C2orf15: variants seen among roughly 807,000 people sequenced by gnomAD.
C2orf15 encodes the protein uncharacterized protein C2orf15.
C2orf15 carries 3 observed loss-of-function variants against 4.4 expected under a neutral mutation model. The observed-to-expected ratio is 0.67, with a 90% CI of 0.31 to 1.74. C2orf15 has a LOEUF of 1.74. Ranked by LOEUF, C2orf15 falls within the 40% of genes most tolerant of loss-of-function variation. The pLI is 0.09. For missense variants in C2orf15, 90 were observed against 103.3 expected (o/e 0.87, Z 0.56); for synonymous variants, 37 against 36.8 (o/e 1.00, Z -0.02).
intron 2 of C2orf15, among the ~76,000 whole-genome samples, chr2:99,144,291 G>A (rs1252900121): frequency 6.6e-6 from 1 of 152,072 alleles, no homozygotes; most frequent in Non-Finnish European, 1.5e-5. Context: ...AAAGTGCTGG[G>A]ATTACAGGCA....
At chr2:99,144,523 G>A (rs2093611995) in intron 2 of C2orf15, among the ~76,000 whole-genome samples, 1 of 151,772 alleles carries the variant, frequency 6.6e-6, no homozygotes, top group Non-Finnish European at 1.5e-5. Context: ...GGTGGCTCAT[G>A]CCTGTAATCC....
chr2:99,147,505 A>C lies in C2orf15; in HGVS notation c.-77+12A>C, dbSNP rs749522940. 19 of 1,613,230 alleles carry C rather than the reference A, an allele frequency of 1.2e-5. 1 individual carries two copies. Among genetic ancestry groups the C allele is most frequent in the Middle Eastern group, 3.3e-4 (2 of 6,074 alleles). ...CTGGGGAAGTTAAGGTAAGACTCAC[A>C]GGGCCAAGTCTACCCTATTATACTT... On this transcript the variant is annotated intron_variant, in intron 3 of 3. Transcript: ENST00000650052.
At position 99,150,639 on chromosome 2, in the gene C2orf15, A is replaced by G. The variant is rs753167451; in HGVS notation, c.81A>G (p.Arg27=). 6 of 1,614,110 alleles carry G rather than the reference A, an allele frequency of 3.7e-6. No homozygotes were observed. The highest frequency in any genetic ancestry group is 5.1e-6 in the Non-Finnish European group (6 of 1,179,988). Residue 27 remains arginine (R), a synonymous_variant, in exon 4 of 4, where the codon CGA becomes CGG. Transcript: ENST00000650052. ...MDSKVDDHLI[R]GTEKSRLEPA... ...CAAAAGTGGATGATCACTTAATACG[A>G]GGGACTGAAAAAAGCAGGTTGGAAC...
Position 99,150,956 on chromosome 2 carries a change from G to C in C2orf15, c.*122G>C, listed in dbSNP as rs10201856. 0.013 allele frequency: 8,421 copies of C among 643,434 alleles called. 307 individuals carry two copies. The highest frequency in any genetic ancestry group is 0.08 in the African/African-American group (4,327 of 54,358). The allele number at this position is 643,434 out of a possible 1,614,324, so 39.9% of individuals were successfully genotyped here. A position where few individuals can be genotyped will look rare whatever the true frequency, so the allele number is the denominator to read the frequency against. On this transcript the variant is annotated 3_prime_UTR_variant, in exon 4 of 4. Coordinates refer to ENST00000650052, the MANE Select transcript of C2orf15 (RefSeq NM_144706.4). ...TGATGGAAGACTATTGCCTTATTTTGCACTATTTGTGAATCATCTTACACT... is the reference window on the plus strand; with the variant it reads ...TGATGGAAGACTATTGCCTTATTTTCCACTATTTGTGAATCATCTTACACT...
intron 3 of C2orf15, among the ~76,000 whole-genome samples, chr2:99,149,763 A>G (rs1402477826): frequency 7.2e-6 from 1 of 139,730 alleles, no homozygotes; most frequent in East Asian, 2.1e-4. Flanking sequence ...TTTACAGACT[A>G]GACATCCTTA....
intron 3 of C2orf15, among the ~76,000 whole-genome samples, chr2:99,149,277 G>A (rs2093664428): frequency 6.6e-6 from 1 of 151,526 alleles, no homozygotes; most frequent in South Asian, 2.1e-4. Context: ...TCTCCAGTAA[G>A]CCCTGGGCTT....
chr2:99,150,064 T>A (rs2093677371), intron 3 of C2orf15, among the ~76,000 whole-genome samples: 1 of 152,218 alleles, frequency 6.6e-6, no homozygotes. Context: ...AGTGCTGGGA[T>A]TACAGGCGTG....
Position 99,147,475 on chromosome 2 carries a change from C to T in C2orf15, c.-95C>T. The stretch of plus-strand genomic sequence containing the variant: ...TAGACTTGTTCACCCTTCATGTCCT[C>T]AACTCTGGGGAAGTTAAGGTAAGAC... On this transcript the variant is annotated 5_prime_UTR_variant, in exon 3 of 4. Coordinates refer to ENST00000650052, the MANE Select transcript of C2orf15 (RefSeq NM_144706.4). The T allele has an allele frequency of 6.2e-7, 1 of 1,614,004 alleles. No individual in the cohort carries two copies. Among genetic ancestry groups the T allele is most frequent in the Non-Finnish European group, 8.5e-7 (1 of 1,179,898 alleles).
At chr2:99,143,590 C>T (rs1332159145) in intron 2 of C2orf15, among the ~76,000 whole-genome samples, 6 of 152,062 alleles carry the variant, frequency 3.9e-5, no homozygotes, top group African/African-American at 1.4e-4. Context: ...CCTGCCTTAG[C>T]CCCTTGAGTA....
At position 99,150,847 on chromosome 2, in the gene C2orf15, G is replaced by A. The variant is rs376071599; in HGVS notation, c.*13G>A. The A allele has an allele frequency of 3.8e-5, 58 of 1,544,716 alleles. No individual in the cohort carries two copies. The highest frequency in any genetic ancestry group is 4.8e-5 in the Non-Finnish European group (55 of 1,145,368). ...AGATGTGGAATGAAGCAATTTGTAC[G>A]TATTACCAAAGAAACCAAAAACTGC... is the stretch of plus-strand genomic sequence containing the variant. On this transcript the variant is annotated 3_prime_UTR_variant, in exon 4 of 4. Transcript: ENST00000650052.
At position 99,150,973 on chromosome 2, in the gene C2orf15, TC is replaced by T. The variant is rs1268225889; in HGVS notation, c.*140del. On this transcript the variant is annotated 3_prime_UTR_variant, in exon 4 of 4. Transcript: ENST00000650052. ...CTTATTTTGCACTATTTGTGAATCA[TC>T]TTACACTGCATTTTTTTATGATGCT... The T allele has an allele frequency of 1.8e-6, 1 of 550,564 alleles. No homozygotes were observed. The highest frequency in any genetic ancestry group is 3.0e-5 in the East Asian group (1 of 33,438). The allele number at this position is 550,564 out of a possible 1,614,324, so 34.1% of individuals were successfully genotyped here. A position where few individuals can be genotyped will look rare whatever the true frequency, so the allele number is the denominator to read the frequency against.
chr2:99,149,373 C>A (rs1223306076), intron 3 of C2orf15, among the ~76,000 whole-genome samples: 1 of 151,880 alleles, frequency 6.6e-6, no homozygotes, highest in African/African-American at 2.4e-5. Flanking sequence ...TCTTTGAAAG[C>A]GAAACCCTAA....
At chr2:99,142,156 C>T (rs1310819160) in intron 1 of C2orf15, 129 bp from the exon 2 acceptor site, 1 of 152,228 alleles carries the variant, frequency 6.6e-6, no homozygotes, top group Non-Finnish European at 1.5e-5. Context: ...ATTCTTCTAC[C>T]AATTTTTTGG....
intron 2 of C2orf15, among the ~76,000 whole-genome samples, chr2:99,144,838 G>T (rs1362537108): frequency 6.6e-6 from 1 of 152,008 alleles, no homozygotes. Context: ...AAGTGCAAAG[G>T]TCCTGAAGCA....
At chr2:99,144,227 TA>T (rs1021866550) in intron 2 of C2orf15, among the ~76,000 whole-genome samples, 1 of 151,838 alleles carries the variant, frequency 6.6e-6, no homozygotes, top group African/African-American at 2.4e-5. Flanking sequence ...TTCACTGTGT[TA>T]GCCAGGATGA....
chr2:99,150,786 G>A lies in C2orf15; in HGVS notation c.228G>A (p.Val76=), dbSNP rs761118210. The change falls in exon 4 of 4, where the codon GTG becomes GTA. Residue 76 remains valine, a synonymous_variant. Coordinates refer to ENST00000650052, the MANE Select transcript of C2orf15 (RefSeq NM_144706.4). ...TTTCTGGGAAAGCCTTGGGTTCAGT[G>A]GTATATGTCAAAGAAAGTGATGGAC... ...GSLSGKALGS[V]VYVKESDGLE... 22 of 1,605,854 alleles carry A rather than the reference G, an allele frequency of 1.4e-5. No homozygotes were observed. The highest frequency in any genetic ancestry group is 1.9e-5 in the Non-Finnish European group (22 of 1,177,890).
In C2orf15 at chr2:99,150,502, C is replaced by A; in HGVS notation, c.-57C>A. ...TTTCAGTAATCAAGTTGAAGAAACA[C>A]TTCCACTACTTAAAAAGGTACCTGC... On this transcript the variant is annotated 5_prime_UTR_variant, in exon 4 of 4. Transcript: ENST00000650052. 1 of 1,537,672 alleles carries A rather than the reference C, an allele frequency of 6.5e-7. No homozygotes were observed. The highest frequency in any genetic ancestry group is 8.8e-7 in the Non-Finnish European group (1 of 1,137,600).
rs1321490798 is a variant in C2orf15, at chr2:99,150,941, C to CT, written c.*108dup. 1.4e-6 allele frequency: 1 copy of CT among 693,088 alleles called. No homozygotes were observed. The highest frequency in any genetic ancestry group is 2.5e-6 in the Non-Finnish European group (1 of 406,326). 42.9% of individuals were successfully genotyped at this position (693,088 alleles called of 1,614,324 possible). A position where few individuals can be genotyped will look rare whatever the true frequency, so the allele number is the denominator to read the frequency against. On this transcript the variant is annotated 3_prime_UTR_variant, in exon 4 of 4. Transcript: ENST00000650052. Reference sequence around the variant, plus strand: ...GAAACCCTGACAAAATGATGGAAGACTATTGCCTTATTTTGCACTATTTGT... The same window carrying CT: ...GAAACCCTGACAAAATGATGGAAGACTTATTGCCTTATTTTGCACTATTTGT...
chr2:99,145,579 C>G (rs2093623460), intron 2 of C2orf15, among the ~76,000 whole-genome samples: 1 of 150,752 alleles, frequency 6.6e-6, no homozygotes, highest in African/African-American at 2.4e-5. Context: ...AAAAAAAGAC[C>G]CTTGTGATTA....
Sources: gnomAD v4.1 joint callset for allele counts (sites outside exome capture counted in the v4.1 genomes callset) on GRCh38, gnomAD v4.1.1 for gene constraint, MANE v1.5 for transcripts, NCBI Gene and HGNC (gene_info 2026-07-23, HGNC 2026-07-21) for gene names.